GAS2L2: variants seen among roughly 807,000 people sequenced by gnomAD.
GAS2L2 encodes the protein GAS2-like protein 2.
Under a neutral mutation model 35.2 loss-of-function variants are expected in GAS2L2, and 21 were observed. The ratio of observed to expected loss-of-function variants is 0.60; its 90% CI spans 0.42 to 0.86. The LOEUF (loss-of-function observed/expected upper bound fraction) is 0.86. Ranked by LOEUF, GAS2L2 falls within the 40% of genes least tolerant of loss-of-function variation. The pLI is 0.00. For missense variants in GAS2L2, 1,169 were observed against 1,144.4 expected (o/e 1.02, Z -0.31); for synonymous variants, 490 against 473.2 (o/e 1.04, Z -0.46).
chr17:35,750,614 A>G (rs1268145618), intron 1 of GAS2L2, among the ~76,000 whole-genome samples: 1 of 152,150 alleles, frequency 6.6e-6, no homozygotes, highest in Non-Finnish European at 1.5e-5. Flanking sequence ...TGTGACTGTG[A>G]CTGTGGATGA....
In GAS2L2 at chr17:35,746,385, G is replaced by C; in HGVS notation, c.1112C>G (p.Ser371Cys). The change falls in exon 6 of 6, where the codon TCT becomes TGT. Residue 371 changes from serine to cysteine, a missense_variant. Physicochemically the swap from Ser to Cys is moderately radical, Grantham distance 112. Around this residue, in one of 3 missense-constraint regions of GAS2L2, gnomAD observed 1,035 missense variants for 976.5 expected, o/e 1.06. Transcript: ENST00000604641. ...GTCCCCAGCTGTCGGCTGCCTCCAA[G>C]ATGGGATGAGAGACCTCTCCTGGCA... ...LRCQERSLIP[S>C]WRQPTAGDSP... 7.4e-7 allele frequency: 1 copy of C among 1,348,718 alleles called. No individual in the cohort carries two copies. Among genetic ancestry groups the C allele is most frequent in the Non-Finnish European group, 9.6e-7 (1 of 1,041,880 alleles). The allele number at this position is 1,348,718 out of a possible 1,614,324, so 83.5% of individuals were successfully genotyped here.
chr17:35,747,835 C>T lies in GAS2L2; in HGVS notation c.832+14G>A. 1 of 1,611,568 alleles carries T rather than the reference C, an allele frequency of 6.2e-7. No homozygotes were observed. The highest frequency in any genetic ancestry group is 1.1e-5 in the South Asian group (1 of 90,998). ...CAACCAACCCCACAGGGAGAGGGCC[C>T]TCAGGGGACTCACAGAGGGATGTGC... On this transcript the variant is annotated intron_variant, in intron 4 of 5. Transcript: ENST00000604641.
Position 35,752,883 on chromosome 17 carries a change from C to T in GAS2L2, c.-33G>A. 6.5e-7 allele frequency: 1 copy of T among 1,546,276 alleles called. No homozygotes were observed. The highest frequency in any genetic ancestry group is 2.3e-5 in the East Asian group (1 of 43,946). ...CCCCAGCAGGGCAGGAGGTGGGCAC[C>T]TCCCCTCTCCCACTGCCGCCTCTTT... On this transcript the variant is annotated 5_prime_UTR_variant, in exon 1 of 6. Coordinates refer to ENST00000604641, the MANE Select transcript of GAS2L2 (RefSeq NM_139285.4).
At chr17:35,750,429 G>A in intron 1 of GAS2L2, 111 bp from the exon 2 acceptor site, 21 of 1,430,014 alleles carry the variant, frequency 1.5e-5, no homozygotes, top group Non-Finnish European at 1.8e-5. Context: ...TCCCCGGTCT[G>A]GGGCAGCAGA....
At chr17:35,746,587 TC>T (rs1329808116) in intron 5 of GAS2L2, among the ~76,000 whole-genome samples, 176 bp from the exon 6 acceptor site, 1 of 152,168 alleles carries the variant, frequency 6.6e-6, no homozygotes, top group African/African-American at 2.4e-5. Context: ...CCAGAAATCC[TC>T]CTTATGGCAG....
rs782305521 is a variant in GAS2L2, at chr17:35,744,964, C to T, written c.2533G>A (p.Glu845Lys). The T allele has an allele frequency of 1.2e-6, 2 of 1,614,156 alleles. No individual in the cohort carries two copies. The highest frequency in any genetic ancestry group is 1.7e-6 in the Non-Finnish European group (2 of 1,180,018). Reference sequence around the variant, plus strand: ...TCCAATGGAGCGGCTGGCTCTTTCTCCTCCTTTCCTTCCTCCTCCTCCTCA... The same window carrying T: ...TCCAATGGAGCGGCTGGCTCTTTCTTCTCCTTTCCTTCCTCCTCCTCCTCA... The part of the protein sequence containing the change: ...VGEEEEEGKE[E>K]KEPAAPLESS... Residue 845 changes from glutamate to lysine, a missense_variant, in exon 6 of 6, where the codon GAG becomes AAG. Physicochemically the swap from Glu to Lys is moderately conservative, Grantham distance 56. Coordinates refer to ENST00000604641, the MANE Select transcript of GAS2L2 (RefSeq NM_139285.4).
Position 35,750,265 on chromosome 17 carries a change from C to T in GAS2L2, c.439G>A (p.Val147Met), listed in dbSNP as rs1384200917. 6.2e-7 allele frequency: 1 copy of T among 1,613,456 alleles called. No homozygotes were observed. The highest frequency in any genetic ancestry group is 1.3e-5 in the African/African-American group (1 of 74,926). ...DLVLRKNVKNVVLCLLELGRR... is the reference protein window; with the variant it reads ...DLVLRKNVKNMVLCLLELGRR... ...CCCAGCTCCAGCAAACACAGCACCA[C>T]GTTCTTCACGTTCTTGCGCAGCACC... Residue 147 changes from valine (V) to methionine (M), a missense_variant, in exon 2 of 6, where the codon GTG becomes ATG. Val to Met is a conservative substitution (Grantham distance 21). This residue lies in a region of GAS2L2 where 1,035 missense variants were observed against 976.5 expected (regional missense o/e 1.06). Coordinates refer to ENST00000604641, the MANE Select transcript of GAS2L2 (RefSeq NM_139285.4).
rs587724303 is a variant in GAS2L2, at chr17:35,751,443, G to A, written c.385+1023C>T. On this transcript the variant is annotated intron_variant, in intron 1 of 5. Coordinates refer to ENST00000604641, the MANE Select transcript of GAS2L2 (RefSeq NM_139285.4). Reference sequence around the variant, plus strand: ...GGCAGTTTGGGAGGCTAAGGCGGGCGGATCACTTTAGGTCAGGAGTTCGAG... The same window carrying A: ...GGCAGTTTGGGAGGCTAAGGCGGGCAGATCACTTTAGGTCAGGAGTTCGAG... 7.9e-5 allele frequency among the ~76,000 whole-genome samples: 12 copies of A among 152,200 alleles called. 1 individual carries two copies. In the South Asian group the frequency reaches 2.1e-3, roughly 26 times the overall value.
chr17:35,750,424 G>T, intron 1 of GAS2L2, 106 bp from the exon 2 acceptor site: 2 of 1,450,442 alleles, frequency 1.4e-6, no homozygotes, highest in Non-Finnish European at 1.9e-6. Flanking sequence ...GGTCATCCCC[G>T]GTCTGGGGCA....
chr17:35,750,242 C>A lies in GAS2L2; in HGVS notation c.462G>T (p.Leu154=). Residue 154 remains leucine (L), a synonymous_variant, in exon 2 of 6, where the codon CTG becomes CTT. Coordinates refer to ENST00000604641, the MANE Select transcript of GAS2L2 (RefSeq NM_139285.4). ...CACCAAAGCGCCACGCCCGGCGGCC[C>A]AGCTCCAGCAAACACAGCACCACGT... ...VKNVVLCLLE[L]GRRAWRFGVA... 1 of 1,614,020 alleles carries A rather than the reference C, an allele frequency of 6.2e-7. No homozygotes were observed. Among genetic ancestry groups the A allele is most frequent in the South Asian group, 1.1e-5 (1 of 91,072 alleles).
rs587737787 is a variant in GAS2L2 at position 35,746,900 on chromosome 17, T to A, written c.1085+116A>T. On this transcript the variant is annotated intron_variant, in intron 5 of 5. Coordinates refer to ENST00000604641, the MANE Select transcript of GAS2L2 (RefSeq NM_139285.4). Reference sequence around the variant, plus strand: ...GGTATGCTTCTGGTTCCAAAACCTGTGGTCTCGGGGTAGAGGCACTGCCGA... The same window carrying A: ...GGTATGCTTCTGGTTCCAAAACCTGAGGTCTCGGGGTAGAGGCACTGCCGA... The A allele has an allele frequency of 5.7e-6, 6 of 1,055,546 alleles. No homozygotes were observed. In the South Asian group the frequency reaches 1.1e-4, roughly 20 times the overall value. The allele number at this position is 1,055,546 out of a possible 1,614,324, so 65.4% of individuals were successfully genotyped here. A position where few individuals can be genotyped will look rare whatever the true frequency, so the allele number is the denominator to read the frequency against.
rs2085665617 is a variant in GAS2L2 at position 35,746,072 on chromosome 17, C to T, written c.1425G>A (p.Arg475=). 1 of 1,521,234 alleles carries T rather than the reference C, an allele frequency of 6.6e-7. No individual in the cohort carries two copies. The highest frequency in any genetic ancestry group is 8.8e-7 in the Non-Finnish European group (1 of 1,134,902). 94.2% of individuals were successfully genotyped at this position (1,521,234 alleles called of 1,614,324 possible). A position where few individuals can be genotyped will look rare whatever the true frequency, so the allele number is the denominator to read the frequency against. Residue 475 remains arginine, a synonymous_variant, in exon 6 of 6, where the codon CGG becomes CGA. Coordinates refer to ENST00000604641, the MANE Select transcript of GAS2L2 (RefSeq NM_139285.4). ...GGAAGAACGCACCCTTGGCCTCATC[C>T]CGGAGTGGCAGCCTGAGGCCCAGGC... The part of the protein sequence containing the change: ...AECLGLRLPL[R]DEAKGAFFQF...
intron 2 of GAS2L2, among the ~76,000 whole-genome samples, chr17:35,749,835 G>C (rs1168427783): frequency 6.6e-6 from 1 of 152,194 alleles, no homozygotes; most frequent in African/African-American, 2.4e-5. Context: ...TTAAATGAGA[G>C]GGGCATCCAG....
At chr17:35,750,968 T>C (rs1294495485) in intron 1 of GAS2L2, among the ~76,000 whole-genome samples, 1 of 152,234 alleles carries the variant, frequency 6.6e-6, no homozygotes, top group Non-Finnish European at 1.5e-5. Context: ...GTCCGGCACA[T>C]GCAAGCATTC....
At chr17:35,749,425 G>A (rs1568103939) in intron 2 of GAS2L2, among the ~76,000 whole-genome samples, 1 of 152,238 alleles carries the variant, frequency 6.6e-6, no homozygotes. Context: ...ATGAGGTCCA[G>A]AGCTGATGGA....
At position 35,747,880 on chromosome 17, in the gene GAS2L2, G is replaced by A. The variant is rs2085679136; in HGVS notation, c.801C>T (p.Asp267=). The stretch of plus-strand genomic sequence containing the variant: ...ATGTGCAGCGGCAGGGGTCATGTTT[G>A]TCCAGGTAATGGCCCAGTGTGTCCC... ...GGWDTLGHYL[D]KHDPCRCTSL... is the part of the protein sequence containing the mutation. Residue 267 remains aspartate, a synonymous_variant, in exon 4 of 6, where the codon GAC becomes GAT. Coordinates refer to ENST00000604641, the MANE Select transcript of GAS2L2 (RefSeq NM_139285.4). 1 of 1,613,952 alleles carries A rather than the reference G, an allele frequency of 6.2e-7. No homozygotes were observed. Among genetic ancestry groups the A allele is most frequent in the African/African-American group, 1.3e-5 (1 of 75,014 alleles).
At position 35,747,306 on chromosome 17, in the gene GAS2L2, G is replaced by T. The variant is rs782648139; in HGVS notation, c.833-38C>A. The T allele has an allele frequency of 8.4e-6, 13 of 1,553,486 alleles. No individual in the cohort carries two copies. The South Asian group carries it at 1.1e-4, about 13-fold the overall frequency. ...CCCCGGAGAAAGGAGAGGAGAGAAG[G>T]GTTCAGTTCCTGCCAATGGGGACCA... is the stretch of plus-strand genomic sequence containing the variant. On this transcript the variant is annotated intron_variant, in intron 4 of 5. Coordinates refer to ENST00000604641, the MANE Select transcript of GAS2L2 (RefSeq NM_139285.4).
chr17:35,747,901 G>C lies in GAS2L2; in HGVS notation c.780C>G (p.Asp260Glu), dbSNP rs1180840161. ...HVMVRVGGGW[D>E]TLGHYLDKHD... is the part of the protein sequence containing the mutation. ...GTTTGTCCAGGTAATGGCCCAGTGT[G>C]TCCCAGCCGCCCCCTACACGTACCA... Residue 260 changes from aspartate to glutamate, a missense_variant, in exon 4 of 6, where the codon GAC becomes GAG. Physicochemically the swap from Asp to Glu is conservative, Grantham distance 45. Transcript: ENST00000604641. 1 of 1,613,794 alleles carries C rather than the reference G, an allele frequency of 6.2e-7. No homozygotes were observed. Among genetic ancestry groups the C allele is most frequent in the Admixed American group, 1.7e-5 (1 of 59,978 alleles).
intron 1 of GAS2L2, among the ~76,000 whole-genome samples, chr17:35,750,924 T>C (rs1555599696): frequency 1.3e-5 from 2 of 152,200 alleles, no homozygotes; most frequent in African/African-American, 4.8e-5. Context: ...GTTGTGAAGA[T>C]TGGATATGCT....
Sources: gnomAD v4.1 joint callset for allele counts (sites outside exome capture counted in the v4.1 genomes callset) on GRCh38, gnomAD v4.1.1 for gene constraint, gnomAD v4.1.1 regional missense constraint, MANE v1.5 for transcripts, NCBI Gene and HGNC (gene_info 2026-07-23, HGNC 2026-07-21) for gene names.